The following SLC49A4 variants were observed in gnomAD, a reference collection of about 807,000 sequenced individuals.
The protein encoded by SLC49A4 is solute carrier family 49 member 4.
In SLC49A4, 36 loss-of-function variants were observed where a neutral mutation model predicts 50.6. The ratio of observed to expected loss-of-function variants is 0.71; its 90% CI spans 0.55 to 0.94. The LOEUF (loss-of-function observed/expected upper bound fraction) is 0.94. Ranked by LOEUF, SLC49A4 falls within the 40% of genes least tolerant of loss-of-function variation. The pLI is 0.00. For synonymous variants in SLC49A4, 248 were observed against 241.2 expected, an observed-to-expected ratio of 1.03 and a Z score of -0.26; for missense variants, 503 against 605.7, an observed-to-expected ratio of 0.83 and a Z score of 1.78.
intron 1 of SLC49A4, among the ~76,000 whole-genome samples, chr3:122,806,075 G>A (rs559262926): frequency 6.6e-6 from 1 of 152,274 alleles, no homozygotes; most frequent in East Asian, 1.9e-4. Flanking sequence ...TATGAAATAT[G>A]TAGTTCCCTA....
intron 3 of SLC49A4, among the ~76,000 whole-genome samples, chr3:122,830,995 A>G (rs1322679862): frequency 6.6e-6 from 1 of 152,186 alleles, no homozygotes; most frequent in Non-Finnish European, 1.5e-5. Context: ...CCAAGAAAAT[A>G]CACAAATGTT....
chr3:122,838,051 G>A (rs1011289318), intron 4 of SLC49A4, among the ~76,000 whole-genome samples: 1 of 151,452 alleles, frequency 6.6e-6, no homozygotes, highest in African/African-American at 2.4e-5. Context: ...TAAAAAGTCA[G>A]GAAACAACAG....
At chr3:122,841,716 T>C (rs1189055021) in intron 4 of SLC49A4, among the ~76,000 whole-genome samples, 1 of 152,202 alleles carries the variant, frequency 6.6e-6, no homozygotes, top group African/African-American at 2.4e-5. Context: ...TTCAGTGAGG[T>C]GACAGCCATT....
At chr3:122,867,679 T>C (rs1406872229) in intron 7 of SLC49A4, among the ~76,000 whole-genome samples, 3 of 152,230 alleles carry the variant, frequency 2.0e-5, no homozygotes, top group Non-Finnish European at 2.9e-5. Context: ...AGTGTAACTT[T>C]AGTTAATAAA....
chr3:122,824,358 T>A (rs560776220), intron 2 of SLC49A4, among the ~76,000 whole-genome samples: 1 of 152,296 alleles, frequency 6.6e-6, no homozygotes, highest in Non-Finnish European at 1.5e-5. Flanking sequence ...TGAGAAATGT[T>A]CTGGTCTAAG....
At chr3:122,805,390 TC>T (rs1256319406) in intron 1 of SLC49A4, among the ~76,000 whole-genome samples, 1 of 152,254 alleles carries the variant, frequency 6.6e-6, no homozygotes, top group Admixed American at 6.5e-5. Flanking sequence ...AAGTTTATTT[TC>T]TTTGCTATGT....
intron 3 of SLC49A4, among the ~76,000 whole-genome samples, chr3:122,832,010 G>A (rs1481421871): frequency 6.6e-6 from 1 of 151,242 alleles, no homozygotes; most frequent in Non-Finnish European, 1.5e-5. Context: ...TAACAATCTT[G>A]TGTTTAAAAA....
Position 122,795,290 on chromosome 3 carries a change from C to A in SLC49A4, c.98C>A (p.Ala33Glu). ...LGASWRSREA[A>E]AAALPAAVPG... ...GCCTCCTGGAGAAGCCGGGAGGCGG[C>A]GGCGGCGGCGCTGCCCGCGGCGGTC... is the stretch of plus-strand genomic sequence containing the variant. The change falls in exon 1 of 9, where the codon GCG becomes GAG. Residue 33 changes from alanine to glutamate, a missense_variant. Transcript: ENST00000261038. 3.5e-6 allele frequency: 5 copies of A among 1,422,692 alleles called. No homozygotes were observed. The highest frequency in any genetic ancestry group is 3.6e-6 in the Non-Finnish European group (4 of 1,101,302). 88.1% of individuals were successfully genotyped at this position (1,422,692 alleles called of 1,614,324 possible).
At position 122,795,331 on chromosome 3, in the gene SLC49A4, G is replaced by A; in HGVS notation, c.139G>A (p.Val47Ile). The change falls in exon 1 of 9, where the codon GTA becomes ATA. Residue 47 changes from valine (V) to isoleucine (I), a missense_variant. By Grantham distance (29) the Val-to-Ile change is conservative. Coordinates refer to ENST00000261038, the MANE Select transcript of SLC49A4 (RefSeq NM_032839.3). ...LPAAVPGPGR[V>I]YGRRWLVLLL... ...CGCGGCGGTCCCGGGTCCCGGGCGG[G>A]TATACGGGCGCCGCTGGCTGGTGCT... 1 of 1,539,808 alleles carries A rather than the reference G, an allele frequency of 6.5e-7. No homozygotes were observed. The highest frequency in any genetic ancestry group is 8.7e-7 in the Non-Finnish European group (1 of 1,153,378).
chr3:122,848,318 T>C (rs1032332814), intron 5 of SLC49A4, among the ~76,000 whole-genome samples: 5 of 152,190 alleles, frequency 3.3e-5, no homozygotes, highest in Non-Finnish European at 7.4e-5. Flanking sequence ...ACTGGTGTAT[T>C]TCTAGACTTT....
At chr3:122,868,724 T>G (rs1207154808) in intron 7 of SLC49A4, among the ~76,000 whole-genome samples, 3 of 152,240 alleles carry the variant, frequency 2.0e-5, no homozygotes, top group Non-Finnish European at 4.4e-5. Context: ...ATTCTTTACT[T>G]TCTGCATTTC....
chr3:122,799,498 G>A (rs1936100567), intron 1 of SLC49A4, among the ~76,000 whole-genome samples: 1 of 152,228 alleles, frequency 6.6e-6, no homozygotes, highest in African/African-American at 2.4e-5. Flanking sequence ...GAGGGGAACA[G>A]TGGTAGGAAA....
chr3:122,802,813 A>G lies in SLC49A4; in HGVS notation c.344-4044A>G, dbSNP rs375431198. ...AACAGCAGACTAGACATTGCTGAAG[A>G]AAAGGTCGTGTGACTTGAGTATATA... is the stretch of plus-strand genomic sequence containing the variant. On this transcript the variant is annotated intron_variant, in intron 1 of 8. Transcript: ENST00000261038. Among the ~76,000 whole-genome samples the G allele has an allele frequency of 8.5e-5, 13 of 152,322 alleles. 2 individuals are homozygous for G. Among genetic ancestry groups the G allele is most frequent in the East Asian group, 1.9e-4 (1 of 5,186 alleles).
rs184066398 is a variant in SLC49A4, at chr3:122,849,376, A to G, written c.942+3505A>G. ...GATTGCTACATCATATGGTAGTTCT[A>G]TTTTTCGTTTTCTACGGAACCTCTG... On this transcript the variant is annotated intron_variant, in intron 5 of 8. Transcript: ENST00000261038. 8.2e-4 allele frequency among the ~76,000 whole-genome samples: 124 copies of G among 152,088 alleles called. 3 individuals are homozygous for G. In the East Asian group the frequency reaches 0.013, roughly 15 times the overall value.
intron 5 of SLC49A4, among the ~76,000 whole-genome samples, chr3:122,855,861 G>C (rs1372926997): frequency 1.3e-5 from 2 of 152,152 alleles, no homozygotes; most frequent in Non-Finnish European, 2.9e-5. Flanking sequence ...TTGAAACCCA[G>C]CTCAACTTCT....
At position 122,833,216 on chromosome 3, in the gene SLC49A4, G is replaced by A. The variant is rs548154955; in HGVS notation, c.704-101G>A. ...TGTTCATGCCACTGCATTCCAGCCT[G>A]GGTGACGGAGTGAGACCCTGTTTCA... On this transcript the variant is annotated intron_variant, in intron 3 of 8. Coordinates refer to ENST00000261038, the MANE Select transcript of SLC49A4 (RefSeq NM_032839.3). The A allele has an allele frequency of 2.9e-5, 34 of 1,176,652 alleles. 1 individual carries two copies. In the South Asian group the frequency reaches 4.7e-4, roughly 16 times the overall value. The allele number at this position is 1,176,652 out of a possible 1,614,324, so 72.9% of individuals were successfully genotyped here.
intron 3 of SLC49A4, among the ~76,000 whole-genome samples, chr3:122,832,974 C>T (rs988368849): frequency 1.3e-5 from 2 of 152,126 alleles, no homozygotes; most frequent in Non-Finnish European, 2.9e-5. Flanking sequence ...ACCTGTAATT[C>T]CAGCATTTTG....
chr3:122,839,438 A>G (rs1936737312), intron 4 of SLC49A4, among the ~76,000 whole-genome samples: 1 of 152,212 alleles, frequency 6.6e-6, no homozygotes, highest in Non-Finnish European at 1.5e-5. Context: ...AGTAATCATC[A>G]GAGTAAACAA....
chr3:122,814,306 T>C (rs969775823), intron 2 of SLC49A4, among the ~76,000 whole-genome samples: 2 of 152,110 alleles, frequency 1.3e-5, no homozygotes, highest in Non-Finnish European at 2.9e-5. Flanking sequence ...GGGAAAGATT[T>C]GTGATTTGGG....
Sources: allele counts gnomAD v4.1 joint callset (sites outside exome capture counted in the v4.1 genomes callset), GRCh38; gene constraint gnomAD v4.1.1; transcripts MANE v1.5; gene names NCBI Gene and HGNC (gene_info 2026-07-23, HGNC 2026-07-21).